Variants in ASCC2 observed in about 807,000 individuals in gnomAD.
The protein encoded by ASCC2 is ASC-1 complex subunit P100.
Under a neutral mutation model 93.5 loss-of-function variants are expected in ASCC2, and 42 were observed. The ratio of observed to expected loss-of-function variants is 0.45; its 90% CI spans 0.35 to 0.58. The LOEUF (loss-of-function observed/expected upper bound fraction) is 0.58. Ranked by LOEUF, ASCC2 falls within the 20% of genes least tolerant of loss-of-function variation. ASCC2 has a pLI of 0.00. For synonymous variants in ASCC2, 364 were observed against 384.2 expected, an observed-to-expected ratio of 0.95 and a Z score of 0.62; for missense variants, 859 against 977.6, an observed-to-expected ratio of 0.88 and a Z score of 1.62.
At chr22:29,830,240 A>G (rs1311859073) in intron 2 of ASCC2, among the ~76,000 whole-genome samples, 1 of 152,198 alleles carries the variant, frequency 6.6e-6, no homozygotes, top group Non-Finnish European at 1.5e-5. Flanking sequence ...CCACCCTGCA[A>G]AGCTGGTCCT....
In ASCC2 at chr22:29,806,792, CT is replaced by C; in HGVS notation, c.1016+4del. Reference sequence around the variant, plus strand: ...TCCACCAGGAGGCAATTCGTGAGGGCTTACCTGCTTTCTAGGATGGGAAGGA... The same window carrying C: ...TCCACCAGGAGGCAATTCGTGAGGGCTACCTGCTTTCTAGGATGGGAAGGA... On this transcript the variant is annotated splice_donor_region_variant and intron_variant, in intron 10 of 19. Transcript: ENST00000307790. The C allele has an allele frequency of 6.2e-7, 1 of 1,605,204 alleles. No homozygotes were observed. The highest frequency in any genetic ancestry group is 8.5e-7 in the Non-Finnish European group (1 of 1,171,982).
In ASCC2 at chr22:29,800,998, C is replaced by T. The variant is rs757059253; in HGVS notation, c.1681G>A (p.Gly561Ser). 13 of 1,595,602 alleles carry T rather than the reference C, an allele frequency of 8.1e-6. No individual in the cohort carries two copies. Among genetic ancestry groups the T allele is most frequent in the Admixed American group, 1.7e-5 (1 of 59,552 alleles). The part of the protein sequence containing the change: ...DSVDLSRVHK[G>S]KSTRKEENTR... ...ATGGCCCACTGCACTCACCTCTTGC[C>T]CTTGTGCACCCGGCTCAGGTCTACT... Residue 561 changes from glycine to serine, a missense_variant, in exon 15 of 20, where the codon GGC becomes AGC. Transcript: ENST00000307790.
chr22:29,791,401 T>A (rs1282941940), intron 18 of ASCC2, among the ~76,000 whole-genome samples: 1 of 151,438 alleles, frequency 6.6e-6, no homozygotes, highest in East Asian at 2.0e-4. Context: ...AGAAGAAGGC[T>A]GGGTGTGGTG....
chr22:29,822,812 G>A (rs1011995554), intron 4 of ASCC2, among the ~76,000 whole-genome samples: 4 of 133,456 alleles, frequency 3.0e-5, no homozygotes, highest in Middle Eastern at 4.6e-3. Flanking sequence ...CCTCTACCTC[G>A]CCAGCTCAAG....
At position 29,801,009 on chromosome 22, in the gene ASCC2, C is replaced by T. The variant is rs749428885; in HGVS notation, c.1670G>A (p.Arg557Gln). 1.5e-5 allele frequency: 24 copies of T among 1,596,712 alleles called. No homozygotes were observed. Among genetic ancestry groups the T allele is most frequent in the African/African-American group, 1.2e-4 (9 of 74,528 alleles). ...VFSRDSVDLS[R>Q]VHKGKSTRKE... ...CACTCACCTCTTGCCCTTGTGCACC[C>T]GGCTCAGGTCTACTGAGTCCCTGCT... The change falls in exon 15 of 20, where the codon CGG (arginine) becomes CAG (glutamine). Residue 557 changes from arginine (R) to glutamine (Q), a missense_variant. Physicochemically the swap from Arg to Gln is conservative, Grantham distance 43. Transcript: ENST00000307790.
intron 2 of ASCC2, chr22:29,827,600 T>A (rs993384470): frequency 4.2e-6 from 2 of 470,766 alleles, no homozygotes; most frequent in Non-Finnish European, 8.8e-6. Context: ...CAGGTACAAA[T>A]CTGTTGAAAA....
intron 15 of ASCC2, among the ~76,000 whole-genome samples, chr22:29,795,578 C>G (rs1440459250): frequency 6.6e-6 from 1 of 152,160 alleles, no homozygotes; most frequent in Non-Finnish European, 1.5e-5. Context: ...ACTACAGCAG[C>G]CTTCTGTCTC....
chr22:29,834,488 C>T (rs889406484), intron 1 of ASCC2: 2 of 471,014 alleles, frequency 4.2e-6, no homozygotes, highest in Non-Finnish European at 8.8e-6. Context: ...GTCCTTGACA[C>T]CTGTTCCAGC....
intron 5 of ASCC2, among the ~76,000 whole-genome samples, chr22:29,816,902 G>A (rs936569961): frequency 6.6e-6 from 1 of 152,156 alleles, no homozygotes; most frequent in African/African-American, 2.4e-5. Flanking sequence ...AGGGTTCTTG[G>A]CCCCCTGTAA....
At chr22:29,836,803 T>C (rs1342639838) in intron 1 of ASCC2, among the ~76,000 whole-genome samples, 1 of 152,180 alleles carries the variant, frequency 6.6e-6, no homozygotes, top group Admixed American at 6.5e-5. Context: ...TCCGCCCGCC[T>C]TGGCTTCCCA....
chr22:29,824,877 G>A (rs1461149490), intron 4 of ASCC2, among the ~76,000 whole-genome samples: 1 of 152,208 alleles, frequency 6.6e-6, no homozygotes, highest in Non-Finnish European at 1.5e-5. Context: ...GGCTCTCTTT[G>A]ATGGAAATAC....
intron 18 of ASCC2, among the ~76,000 whole-genome samples, chr22:29,791,818 C>A (rs185152883): frequency 6.6e-6 from 1 of 152,168 alleles, no homozygotes; most frequent in Admixed American, 6.5e-5. Flanking sequence ...CACCGAGGAG[C>A]CCCTGAGGCA....
intron 13 of ASCC2, 82 bp from the exon 14 acceptor site, chr22:29,802,290 G>A (rs1183130700): frequency 1.4e-6 from 2 of 1,386,956 alleles, no homozygotes; most frequent in African/African-American, 1.4e-5. Context: ...CACTGGACTA[G>A]GCATCAGGGA....
At chr22:29,799,645 CCT>C (rs2058844980) in intron 15 of ASCC2, among the ~76,000 whole-genome samples, 1 of 152,220 alleles carries the variant, frequency 6.6e-6, no homozygotes, top group Non-Finnish European at 1.5e-5. Flanking sequence ...AAAGAAGTCC[CCT>C]GATTTCTAGA....
intron 6 of ASCC2, 126 bp downstream of exon 6, chr22:29,815,880 A>T: frequency 1.3e-6 from 1 of 761,014 alleles, no homozygotes; most frequent in South Asian, 1.7e-5. Context: ...CTGTCTGGGG[A>T]GATGCGAGAG....
chr22:29,790,647 A>G (rs1194867964), intron 18 of ASCC2, 99 bp from the exon 19 acceptor site: 1 of 1,246,300 alleles, frequency 8.0e-7, no homozygotes, highest in Non-Finnish European at 1.2e-6. Flanking sequence ...CGATGCCTCC[A>G]TGCCAGGTGT....
chr22:29,823,990 A>AAACC (rs1342186511), intron 4 of ASCC2, among the ~76,000 whole-genome samples: 1 of 152,170 alleles, frequency 6.6e-6, no homozygotes, highest in African/African-American at 2.4e-5. Context: ...CAGGAATTCA[A>AAACC]AACCAACCAG....
chr22:29,812,517 G>C (rs895123897), intron 8 of ASCC2, among the ~76,000 whole-genome samples: 3 of 152,130 alleles, frequency 2.0e-5, no homozygotes, highest in African/African-American at 7.2e-5. Flanking sequence ...GCCTCCAGGG[G>C]CTCCCCACTG....
chr22:29,792,320 C>T, intron 18 of ASCC2, 113 bp downstream of exon 18: 1 of 1,527,308 alleles, frequency 6.5e-7, no homozygotes. Context: ...CCTGTCCCTG[C>T]CAGTGATGCT....
Sources: allele counts gnomAD v4.1 joint callset (sites outside exome capture counted in the v4.1 genomes callset), GRCh38; gene constraint gnomAD v4.1.1; transcripts MANE v1.5; gene names NCBI Gene and HGNC (gene_info 2026-07-23, HGNC 2026-07-21).